Variants in TSPAN9 observed in about 807,000 individuals in gnomAD.
TSPAN9 encodes tetraspanin 9.
A neutral mutation model predicts 31.0 loss-of-function variants in TSPAN9; 16 were observed. The ratio of observed to expected loss-of-function variants is 0.52; its 90% CI spans 0.35 to 0.78. The LOEUF is 0.78. TSPAN9 is among the 30% of genes least tolerant of loss of function. The pLI is 0.01. For synonymous variants in TSPAN9, 145 were observed against 121.6 expected, an observed-to-expected ratio of 1.19 and a Z score of -1.27; for missense variants, 272 against 312.5, an observed-to-expected ratio of 0.87 and a Z score of 0.98.
intron 2 of TSPAN9, among the ~76,000 whole-genome samples, chr12:3,140,854 C>T (rs1006551733): frequency 2.0e-5 from 3 of 151,692 alleles, no homozygotes; most frequent in African/African-American, 7.3e-5. Context: ...TTGGAGGTGA[C>T]AGTGGGAGGC....
chr12:3,191,554 G>T (rs1273188318), intron 2 of TSPAN9, among the ~76,000 whole-genome samples: 1 of 152,210 alleles, frequency 6.6e-6, no homozygotes, highest in Non-Finnish European at 1.5e-5. Context: ...GGTCATCAGT[G>T]TCCTCAGGCT....
chr12:3,175,733 CCTT>C (rs2098355166), intron 2 of TSPAN9, among the ~76,000 whole-genome samples: 1 of 152,210 alleles, frequency 6.6e-6, no homozygotes, highest in African/African-American at 2.4e-5. Flanking sequence ...CTCAGTTTCT[CCTT>C]CTGTGCTACC....
chr12:3,135,109 G>T (rs991880466), intron 2 of TSPAN9, among the ~76,000 whole-genome samples: 1 of 152,078 alleles, frequency 6.6e-6, no homozygotes, highest in African/African-American at 2.4e-5. Flanking sequence ...GATTGACAGG[G>T]TTTTGCTCTG....
chr12:3,183,362 A>G (rs2153971420), intron 2 of TSPAN9, among the ~76,000 whole-genome samples: 1 of 152,304 alleles, frequency 6.6e-6, no homozygotes, highest in East Asian at 1.9e-4. Context: ...CGTGACTTCC[A>G]GTTCTTGACA....
chr12:3,144,646 C>G (rs1351054675), intron 2 of TSPAN9, among the ~76,000 whole-genome samples: 2 of 152,218 alleles, frequency 1.3e-5, no homozygotes, highest in African/African-American at 2.4e-5. Flanking sequence ...GCTCGGGGTA[C>G]TTTGCTGCAG....
intron 2 of TSPAN9, among the ~76,000 whole-genome samples, chr12:3,150,763 G>A (rs368998179): frequency 7.9e-5 from 12 of 152,188 alleles, no homozygotes; most frequent in African/African-American, 2.4e-4. Context: ...GCAGGAGATC[G>A]AATGCTGCCC....
At chr12:3,229,402 T>C (rs1475776355) in intron 3 of TSPAN9, among the ~76,000 whole-genome samples, 2 of 152,240 alleles carry the variant, frequency 1.3e-5, no homozygotes, top group African/African-American at 4.8e-5. Flanking sequence ...TCACTCTGCC[T>C]TCTTTCCTTC....
chr12:3,105,774 A>G lies in TSPAN9; in HGVS notation c.-18+22055A>G, dbSNP rs56889132. On this transcript the variant is annotated intron_variant, in intron 2 of 8. Transcript: ENST00000011898. ...CACACACACGCACACACGCGCACGC[A>G]CACACGCTCATACACACTCACGCAC... Among the ~76,000 whole-genome samples, 410 of 137,092 alleles carry G rather than the reference A, an allele frequency of 3.0e-3. 3 individuals are homozygous for G. Among genetic ancestry groups the G allele is most frequent in the South Asian group, 0.018 (72 of 3,964 alleles). 89.9% of individuals were successfully genotyped at this position (137,092 alleles called of 152,430 possible).
chr12:3,080,566 G>A (rs2098297377), intron 1 of TSPAN9, among the ~76,000 whole-genome samples: 1 of 152,078 alleles, frequency 6.6e-6, no homozygotes, highest in Non-Finnish European at 1.5e-5. Flanking sequence ...TTGAACTCCT[G>A]ACCTCATGAT....
chr12:3,094,048 G>A (rs75597551), intron 2 of TSPAN9, among the ~76,000 whole-genome samples: 5,862 of 152,188 alleles, frequency 0.039, 376 homozygotes, highest in African/African-American at 0.13. Flanking sequence ...TATTTGTAGA[G>A]ATGGGGTCGC....
intron 3 of TSPAN9, chr12:3,206,336 C>G (rs1318406254): frequency 2.2e-6 from 1 of 456,072 alleles, no homozygotes; most frequent in East Asian, 6.9e-5. Flanking sequence ...GATCAGTTTT[C>G]TCGTGCCAGG....
At chr12:3,177,168 C>G (rs981084798) in intron 2 of TSPAN9, among the ~76,000 whole-genome samples, 1 of 152,224 alleles carries the variant, frequency 6.6e-6, no homozygotes, top group East Asian at 1.9e-4. Context: ...GATAGAGTCT[C>G]GCTCTGTTGC....
intron 3 of TSPAN9, among the ~76,000 whole-genome samples, chr12:3,277,783 T>A (rs1591721836): frequency 1.3e-5 from 2 of 152,076 alleles, no homozygotes; most frequent in South Asian, 4.1e-4. Context: ...ATTGGATGGG[T>A]GGTGAAGGCA....
intron 2 of TSPAN9, among the ~76,000 whole-genome samples, chr12:3,090,734 C>T (rs1373178564): frequency 6.6e-6 from 1 of 152,122 alleles, no homozygotes; most frequent in African/African-American, 2.4e-5. Flanking sequence ...CGATCCCTCC[C>T]TGTGCCCAGA....
In TSPAN9 at chr12:3,143,674, G is replaced by T. The variant is rs1356533146; in HGVS notation, c.-17-57503G>T. Reference sequence around the variant, plus strand: ...TTAGAGTTACAGGAACAGCACAATAGATATTTATTTTGTTGTTCAACTTGC... The same window carrying T: ...TTAGAGTTACAGGAACAGCACAATATATATTTATTTTGTTGTTCAACTTGC... On this transcript the variant is annotated intron_variant, in intron 2 of 8. Coordinates refer to ENST00000011898, the MANE Select transcript of TSPAN9 (RefSeq NM_006675.5). The surrounding 1 kb of genome is among the most constrained non-coding windows in gnomAD (Gnocchi z 4.2). 6.6e-6 allele frequency among the ~76,000 whole-genome samples: 1 copy of T among 152,222 alleles called. No individual in the cohort carries two copies. The highest frequency in any genetic ancestry group is 1.5e-5 in the Non-Finnish European group (1 of 68,040).
chr12:3,119,071 A>G (rs887142780), intron 2 of TSPAN9, among the ~76,000 whole-genome samples: 3 of 152,146 alleles, frequency 2.0e-5, no homozygotes, highest in Admixed American at 6.5e-5. Flanking sequence ...TACCCCCGAC[A>G]GCGAAGGTAG....
rs1565648131 is a variant in TSPAN9 at position 3,285,658 on chromosome 12, C to T, written c.*2542C>T. 2 of 152,268 alleles carry T rather than the reference C, an allele frequency of 1.3e-5. No homozygotes were observed. The highest frequency in any genetic ancestry group is 1.9e-4 in the East Asian group (1 of 5,182). 9.4% of individuals were successfully genotyped at this position (152,268 alleles called of 1,614,324 possible). On this transcript the variant is annotated 3_prime_UTR_variant, in exon 9 of 9. Transcript: ENST00000011898. ...GTGGCACAGCCTCTCTTCAGTTTCT[C>T]CTGACTGTGATCTCACTGGGGTAGA...
chr12:3,140,417 C>T (rs2098334249), intron 2 of TSPAN9, among the ~76,000 whole-genome samples: 1 of 152,072 alleles, frequency 6.6e-6, no homozygotes, highest in Non-Finnish European at 1.5e-5. Flanking sequence ...AAACAGGTCA[C>T]AGTAGGATCA....
At chr12:3,215,204 G>A (rs1036098309) in intron 3 of TSPAN9, 4 of 152,242 alleles carry the variant, frequency 2.6e-5, no homozygotes, top group Non-Finnish European at 5.9e-5. Flanking sequence ...ACCAAGAGAA[G>A]GGTGGTGCCT....
Sources: gnomAD v4.1 joint callset for allele counts (sites outside exome capture counted in the v4.1 genomes callset) on GRCh38, gnomAD v4.1.1 for gene constraint, Gnocchi (gnomAD v3.1) non-coding constraint, MANE v1.5 for transcripts, NCBI Gene and HGNC (gene_info 2026-07-23, HGNC 2026-07-21) for gene names.